Variants in IQSEC1 observed in about 807,000 individuals in gnomAD.
IQSEC1 encodes the protein IQ motif and Sec7 domain ArfGEF 1.
Under a neutral mutation model 91.0 loss-of-function variants are expected in IQSEC1, and 31 were observed. The ratio of observed to expected loss-of-function variants is 0.34; its 90% CI spans 0.26 to 0.46. The LOEUF is 0.46. IQSEC1 is among the 20% of genes least tolerant of loss of function. The pLI, the probability that IQSEC1 is intolerant of heterozygous loss-of-function variation, is 1.00. For synonymous variants in IQSEC1, 699 were observed against 662.6 expected (o/e 1.05, Z -0.84); for missense variants, 1,388 against 1,575.6 (o/e 0.88, Z 2.02).
At chr3:13,068,526 C>A (rs1296224050) in intron 1 of IQSEC1, among the ~76,000 whole-genome samples, 1 of 152,204 alleles carries the variant, frequency 6.6e-6, no homozygotes, top group Non-Finnish European at 1.5e-5. Context: ...CAATGCAGTT[C>A]CCCAACCTCT....
chr3:13,245,504 C>T (rs1695093407), intron 1 of IQSEC1, among the ~76,000 whole-genome samples: 1 of 152,204 alleles, frequency 6.6e-6, no homozygotes, highest in Non-Finnish European at 1.5e-5. Context: ...CAGTGGCTCA[C>T]GCCTGTAATC....
At chr3:13,128,241 A>G (rs1436115158) in intron 2 of IQSEC1, among the ~76,000 whole-genome samples, 1 of 152,226 alleles carries the variant, frequency 6.6e-6, no homozygotes, top group Non-Finnish European at 1.5e-5. Context: ...CCTTGTTCCC[A>G]GTCTTTGGGA....
chr3:12,971,399 G>T (rs1700886590), intron 1 of IQSEC1, among the ~76,000 whole-genome samples: 1 of 152,190 alleles, frequency 6.6e-6, no homozygotes, highest in Non-Finnish European at 1.5e-5. Context: ...CATGCCCAAG[G>T]ATATTAATTA....
chr3:12,971,293 G>A (rs12486753), intron 1 of IQSEC1, among the ~76,000 whole-genome samples: 29,365 of 152,162 alleles, frequency 0.19, 4,195 homozygotes, highest in East Asian at 0.75. Flanking sequence ...AAATGATAGG[G>A]CTGGGCCAGA....
At chr3:13,130,841 G>C (rs772698392) in intron 2 of IQSEC1, among the ~76,000 whole-genome samples, 3 of 151,848 alleles carry the variant, frequency 2.0e-5, no homozygotes, top group African/African-American at 7.3e-5. Context: ...TGTAGTCCCA[G>C]CTATGCTGGA....
chr3:13,036,407 C>T (rs1012039032), intron 1 of IQSEC1, among the ~76,000 whole-genome samples: 1 of 152,180 alleles, frequency 6.6e-6, no homozygotes, highest in Non-Finnish European at 1.5e-5. Context: ...TGCAAAGCCA[C>T]TTAGCACATA....
At chr3:13,000,438 G>A (rs1052838791) in intron 1 of IQSEC1, among the ~76,000 whole-genome samples, 8 of 152,228 alleles carry the variant, frequency 5.3e-5, no homozygotes, top group Admixed American at 1.3e-4. Flanking sequence ...TGAGACAGTG[G>A]GGCCAGGTAC....
At chr3:13,097,520 A>C (rs964804638) in intron 2 of IQSEC1, among the ~76,000 whole-genome samples, 2 of 152,234 alleles carry the variant, frequency 1.3e-5, no homozygotes, top group East Asian at 3.9e-4. Flanking sequence ...TGCCAGCTCG[A>C]GCCTCAGTCT....
chr3:13,085,827 C>T (rs1262132336), intron 2 of IQSEC1, among the ~76,000 whole-genome samples: 3 of 152,220 alleles, frequency 2.0e-5, no homozygotes. Flanking sequence ...GCGAGGCTCT[C>T]GAGGCTGCCC....
chr3:12,914,378 C>G (rs945628050), intron 8 of IQSEC1, among the ~76,000 whole-genome samples: 36 of 152,244 alleles, frequency 2.4e-4, no homozygotes, highest in Admixed American at 2.1e-3. Flanking sequence ...GATCACCGTC[C>G]TGAGGCCAGA....
rs1694216364 is a variant in IQSEC1, at chr3:12,901,049, C to T, written c.3279G>A (p.Gln1093=). 3 of 1,542,458 alleles carry T rather than the reference C, an allele frequency of 1.9e-6. No individual in the cohort carries two copies. Among genetic ancestry groups the T allele is most frequent in the Non-Finnish European group, 2.6e-6 (3 of 1,146,380 alleles). Residue 1093 remains glutamine (Q), a synonymous_variant, in exon 14 of 14, where the codon CAG becomes CAA. Coordinates refer to ENST00000613206, the MANE Select transcript of IQSEC1 (RefSeq NM_001134382.3). ...HVGHTVHHHG[Q]PPAPPPPTSS... Reference sequence around the variant, plus strand: ...TGGTGGGGGGCGGCGGGGCAGGGGGCTGCCCATGGTGGTGCACTGTGTGCC... The same window carrying T: ...TGGTGGGGGGCGGCGGGGCAGGGGGTTGCCCATGGTGGTGCACTGTGTGCC...
At chr3:12,981,205 A>G (rs1701440915) in intron 1 of IQSEC1, among the ~76,000 whole-genome samples, 1 of 152,200 alleles carries the variant, frequency 6.6e-6, no homozygotes, top group South Asian at 2.1e-4. Flanking sequence ...GCCACTTCCT[A>G]GCTGTGTTGC....
intron 1 of IQSEC1, among the ~76,000 whole-genome samples, chr3:13,054,319 A>G (rs1704799906): frequency 6.6e-6 from 1 of 152,198 alleles, no homozygotes; most frequent in Non-Finnish European, 1.5e-5. Context: ...CACTCCTACC[A>G]GCAGTTGACT....
chr3:13,191,410 C>A (rs1461772942), intron 1 of IQSEC1, among the ~76,000 whole-genome samples: 1 of 151,962 alleles, frequency 6.6e-6, no homozygotes, highest in Non-Finnish European at 1.5e-5. Context: ...TCGGGCACTG[C>A]CTCCACCAGG....
At chr3:13,118,521 C>T (rs1706372444) in intron 2 of IQSEC1, among the ~76,000 whole-genome samples, 1 of 152,140 alleles carries the variant, frequency 6.6e-6, no homozygotes, top group Admixed American at 6.5e-5. Context: ...CACGGATGAC[C>T]TTGAGGACAT....
intron 1 of IQSEC1, among the ~76,000 whole-genome samples, chr3:13,064,001 TA>T (rs3045648): frequency 0.079 from 10,600 of 134,684 alleles, 378 homozygotes; most frequent in Middle Eastern, 0.17. Context: ...TTTGCAGTTG[TA>T]AAAAAAAAAA....
chr3:12,899,998 G>T lies in IQSEC1; in HGVS notation c.*985C>A. Reference sequence around the variant, plus strand: ...TGGATCATGGAGAGTCACAGTTATCGCAGCCATTAAAGTGTCTAAGAATCC... The same window carrying T: ...TGGATCATGGAGAGTCACAGTTATCTCAGCCATTAAAGTGTCTAAGAATCC... On this transcript the variant is annotated 3_prime_UTR_variant, in exon 14 of 14. Transcript: ENST00000613206. 3 of 985,290 alleles carry T rather than the reference G, an allele frequency of 3.0e-6. No homozygotes were observed. The highest frequency in any genetic ancestry group is 3.6e-6 in the Non-Finnish European group (3 of 829,910). The allele number at this position is 985,290 out of a possible 1,614,324, so 61.0% of individuals were successfully genotyped here.
intron 1 of IQSEC1, among the ~76,000 whole-genome samples, chr3:13,216,301 C>T (rs2125068695): frequency 6.6e-6 from 1 of 152,388 alleles, no homozygotes; most frequent in African/African-American, 2.4e-5. Context: ...CCAGCATCCC[C>T]TACACCAGCA....
rs1433918518 is a variant in IQSEC1, at chr3:13,230,186, CTT to C, written c.272+52523_272+52524del. On this transcript the variant is annotated intron_variant, in intron 1 of 15. Coordinates refer to the IQSEC1 transcript ENST00000648114. ...AGGAATTCAACTATATCCATGCAGT[CTT>C]GTTTACATTATTACCCGAAGAAAGA... 2.6e-5 allele frequency among the ~76,000 whole-genome samples: 4 copies of C among 152,260 alleles called. No individual in the cohort carries two copies. In the Middle Eastern group the frequency reaches 0.01, roughly 388 times the overall value.
Sources: gnomAD v4.1 joint callset for allele counts (sites outside exome capture counted in the v4.1 genomes callset) on GRCh38, gnomAD v4.1.1 for gene constraint, MANE v1.5 for transcripts, NCBI Gene and HGNC (gene_info 2026-07-23, HGNC 2026-07-21) for gene names.